The following LRRC32 variants were observed in gnomAD, a reference collection of about 807,000 sequenced individuals.
LRRC32 encodes transforming growth factor beta activator LRRC32.
A neutral mutation model predicts 15.0 loss-of-function variants in LRRC32; 5 were observed. That is an observed-to-expected ratio of 0.33 (90% confidence interval 0.17 to 0.70). LRRC32 has a LOEUF of 0.70. Among genes scored for constraint, LRRC32 ranks in the 30% least tolerant of loss-of-function variants. The probability of loss-of-function intolerance (pLI) is 0.66; values close to 1 mark genes in which losing one functional copy is unlikely to be tolerated. For synonymous variants in LRRC32, 391 were observed against 403.9 expected (o/e 0.97, Z 0.38); for missense variants, 803 against 854.2 (o/e 0.94, Z 0.75).
At position 76,660,027 on chromosome 11, in the gene LRRC32, G is replaced by A. The variant is rs144837505; in HGVS notation, c.1566C>T (p.Ala522=). The stretch of plus-strand genomic sequence containing the variant: ...CGGGAAGGTGGCTCAGGCGGTTCTC[G>A]GCAAGATTGAGCCGCTTGAGGCAGA... ...CFICLKRLNL[A]ENRLSHLPAW... is the part of the protein sequence containing the mutation. Residue 522 remains alanine, a synonymous_variant, in exon 3 of 3, where the codon GCC becomes GCT. Coordinates refer to ENST00000260061, the MANE Select transcript of LRRC32 (RefSeq NM_001128922.2). The A allele has an allele frequency of 5.5e-5, 89 of 1,614,144 alleles. No homozygotes were observed. In the East Asian group the frequency reaches 1.2e-3, roughly 21 times the overall value.
Position 76,660,310 on chromosome 11 carries a change from G to C in LRRC32, c.1283C>G (p.Pro428Arg). 6.3e-7 allele frequency: 1 copy of C among 1,598,168 alleles called. No homozygotes were observed. The highest frequency in any genetic ancestry group is 8.5e-7 in the Non-Finnish European group (1 of 1,173,124). Residue 428 changes from proline to arginine, a missense_variant, in exon 3 of 3, where the codon CCA becomes CGA. Coordinates refer to ENST00000260061, the MANE Select transcript of LRRC32 (RefSeq NM_001128922.2). ...QGNRVSPCGG[P>R]DEPGPSGCVA... ...ACAGCCGGAGGGGCCAGGCTCATCT[G>C]GCCCCCCACAGGGGCTGACTCGGTT...
rs759411418 is a variant in LRRC32 at position 76,661,181 on chromosome 11, T to C, written c.412A>G (p.Ser138Gly). 2 of 1,613,872 alleles carry C rather than the reference T, an allele frequency of 1.2e-6. No individual in the cohort carries two copies. The highest frequency in any genetic ancestry group is 1.7e-6 in the Non-Finnish European group (2 of 1,179,934). ...SLDLSGNSLY[S>G]GLLERLLGEA... Reference sequence around the variant, plus strand: ...CCCAGCAGCCGCTCCAGCAGGCCGCTGTACAGGCTGTTCCCAGACAGGTCC... The same window carrying C: ...CCCAGCAGCCGCTCCAGCAGGCCGCCGTACAGGCTGTTCCCAGACAGGTCC... The change falls in exon 3 of 3, where the codon AGC (serine) becomes GGC (glycine). Residue 138 changes from serine (S) to glycine (G), a missense_variant. Physicochemically the swap from Ser to Gly is moderately conservative, Grantham distance 56. Coordinates refer to ENST00000260061, the MANE Select transcript of LRRC32 (RefSeq NM_001128922.2).
rs1162518373 is a variant in LRRC32, at chr11:76,657,750, TC to T, written c.*1853del. ...ACCAGGACTGGGTCTGCCTGGGTGC[TC>T]CACACACCACCAGGGCCTAGCCCTG... On this transcript the variant is annotated 3_prime_UTR_variant, in exon 3 of 3. Transcript: ENST00000260061. 1 of 152,460 alleles carries T rather than the reference TC, an allele frequency of 6.6e-6. No homozygotes were observed. The highest frequency in any genetic ancestry group is 1.5e-5 in the Non-Finnish European group (1 of 68,088). The allele number at this position is 152,460 out of a possible 1,614,324, so 9.4% of individuals were successfully genotyped here. A position where few individuals can be genotyped will look rare whatever the true frequency, so the allele number is the denominator to read the frequency against.
rs749681420 is a variant in LRRC32 at position 76,661,158 on chromosome 11, C to T, written c.435G>A (p.Leu145=). The stretch of plus-strand genomic sequence containing the variant: ...GGGTATGCAGGCTGGGTGCCTCCCC[C>T]AGCAGCCGCTCCAGCAGGCCGCTGT... The part of the protein sequence containing the change: ...SLYSGLLERL[L]GEAPSLHTLS... The change falls in exon 3 of 3, where the codon CTG becomes CTA. Residue 145 remains leucine (L), a synonymous_variant. Transcript: ENST00000260061. 36 of 1,613,646 alleles carry T rather than the reference C, an allele frequency of 2.2e-5. No individual in the cohort carries two copies. Among genetic ancestry groups the T allele is most frequent in the Non-Finnish European group, 2.8e-5 (33 of 1,179,882 alleles).
At position 76,660,521 on chromosome 11, in the gene LRRC32, G is replaced by A. The variant is rs150096749; in HGVS notation, c.1072C>T (p.Arg358Cys). Residue 358 changes from arginine (R) to cysteine (C), a missense_variant, in exon 3 of 3, where the codon CGC becomes TGC. Arg to Cys is a radical substitution (Grantham distance 180, BLOSUM62 -3). Transcript: ENST00000260061. ...RNCLRTFEAR[R>C]LGSLPCLMLL... ...ATCAGGCAGGGCAGGGAGCCTAAGCGCCGGGCCTCAAAGGTCCGCAAGCAG... is the reference window on the plus strand; with the variant it reads ...ATCAGGCAGGGCAGGGAGCCTAAGCACCGGGCCTCAAAGGTCCGCAAGCAG... 1,279 of 1,614,132 alleles carry A rather than the reference G, an allele frequency of 7.9e-4. 1 individual carries two copies. Among genetic ancestry groups the A allele is most frequent in the Non-Finnish European group, 1.0e-3 (1,177 of 1,180,006 alleles).
rs1406184843 is a variant in LRRC32 at position 76,659,146 on chromosome 11, C to T, written c.*458G>A. ...CACAGCCGGGGCAGGACTCACCGCA[C>T]CAAACCAGCGGGGCCTGCCGAGCTC... On this transcript the variant is annotated 3_prime_UTR_variant, in exon 3 of 3. Transcript: ENST00000260061. 5.9e-6 allele frequency: 1 copy of T among 170,632 alleles called. No individual in the cohort carries two copies. Among genetic ancestry groups the T allele is most frequent in the Non-Finnish European group, 1.3e-5 (1 of 78,780 alleles). 10.6% of individuals were successfully genotyped at this position (170,632 alleles called of 1,614,324 possible).
In LRRC32 at chr11:76,661,048, C is replaced by T. The variant is rs764198542; in HGVS notation, c.545G>A (p.Ser182Asn). 3 of 1,614,248 alleles carry T rather than the reference C, an allele frequency of 1.9e-6. No homozygotes were observed. The East Asian group carries it at 6.7e-5, about 36-fold the overall frequency. The change falls in exon 3 of 3, where the codon AGC becomes AAC. Residue 182 changes from serine (S) to asparagine (N), a missense_variant. Transcript: ENST00000260061. The stretch of plus-strand genomic sequence containing the variant: ...ATCCTCGATGTCCATCAGCACGTTG[C>T]TATGCAGGTCAAGCTGCTCCAGCGC... ...MPALEQLDLH[S>N]NVLMDIEDGA...
In LRRC32 at chr11:76,661,269, C is replaced by A. The variant is rs1211861015; in HGVS notation, c.324G>T (p.Arg108=). The A allele has an allele frequency of 6.2e-7, 1 of 1,613,972 alleles. No individual in the cohort carries two copies. Among genetic ancestry groups the A allele is most frequent in the Admixed American group, 1.7e-5 (1 of 60,010 alleles). ...CACTCAGCGCAGTGGCCATCGCCAG[C>A]CGGTTGTGAGCCAGGCTGAGGTGCT... is the stretch of plus-strand genomic sequence containing the variant. ...HLEHLSLAHN[R]LAMATALSAG... Residue 108 remains arginine (R), a synonymous_variant, in exon 3 of 3, where the codon CGG becomes CGT. Transcript: ENST00000260061.
chr11:76,663,507 C>A (rs1952573416), intron 2 of LRRC32: 1 of 152,368 alleles, frequency 6.6e-6, no homozygotes, highest in African/African-American at 2.4e-5. Context: ...GAGACCTGCC[C>A]AGCCTCAGGC....
At chr11:76,669,814 C>G (rs534663850) in intron 1 of LRRC32, 75 of 152,460 alleles carry the variant, frequency 4.9e-4, no homozygotes, top group Admixed American at 1.2e-3. Flanking sequence ...TCCAGTTCAT[C>G]TGTCTCCAAA....
chr11:76,661,874 C>T (rs796477687), intron 2 of LRRC32, among the ~76,000 whole-genome samples: 5 of 152,196 alleles, frequency 3.3e-5, no homozygotes, highest in South Asian at 4.1e-4. Flanking sequence ...AGAGTGACCC[C>T]AAGCCAGTGA....
intron 1 of LRRC32, among the ~76,000 whole-genome samples, chr11:76,666,747 C>A (rs1952632895): frequency 6.6e-6 from 1 of 152,246 alleles, no homozygotes; most frequent in African/African-American, 2.4e-5. Flanking sequence ...TCACTCACTC[C>A]CTCACTAAGG....
chr11:76,660,751 G>A lies in LRRC32; in HGVS notation c.842C>T (p.Thr281Ile). Reference protein sequence around the residue: ...NLSNNLIRLPTGPPQDSKGIH... With the variant: ...NLSNNLIRLPIGPPQDSKGIH... ...GCCCTTGCTGTCCTGGGGTGGCCCT[G>A]TGGGGAGCCGGATGAGGTTGTTGGA... The change falls in exon 3 of 3, where the codon ACA becomes ATA. Residue 281 changes from threonine to isoleucine, a missense_variant. Thr to Ile is a moderately conservative substitution (Grantham distance 89). Coordinates refer to ENST00000260061, the MANE Select transcript of LRRC32 (RefSeq NM_001128922.2). The A allele has an allele frequency of 6.2e-7, 1 of 1,614,168 alleles. No individual in the cohort carries two copies. The highest frequency in any genetic ancestry group is 8.5e-7 in the Non-Finnish European group (1 of 1,180,030).
rs1037474929 is a variant in LRRC32 at position 76,659,471 on chromosome 11, G to C, written c.*133C>G. On this transcript the variant is annotated 3_prime_UTR_variant, in exon 3 of 3. Coordinates refer to ENST00000260061, the MANE Select transcript of LRRC32 (RefSeq NM_001128922.2). ...TCACCCACTGATGCAGCAGGCGGCA[G>C]AGAAAGGTGTCCTGGGCTGTAATTT... is the stretch of plus-strand genomic sequence containing the variant. The C allele has an allele frequency of 5.1e-6, 5 of 984,648 alleles. No homozygotes were observed. In the African/African-American group the frequency reaches 8.2e-5, roughly 16 times the overall value. The allele number at this position is 984,648 out of a possible 1,614,324, so 61.0% of individuals were successfully genotyped here.
rs766532420 is a variant in LRRC32, at chr11:76,661,179, G to T, written c.414C>A (p.Ser138Arg). The change falls in exon 3 of 3, where the codon AGC (serine) becomes AGA (arginine). Residue 138 changes from serine (S) to arginine (R), a missense_variant. Ser to Arg is a moderately radical substitution (Grantham distance 110). Transcript: ENST00000260061. ...SLDLSGNSLY[S>R]GLLERLLGEA... ...CCCCCAGCAGCCGCTCCAGCAGGCCGCTGTACAGGCTGTTCCCAGACAGGT... is the reference window on the plus strand; with the variant it reads ...CCCCCAGCAGCCGCTCCAGCAGGCCTCTGTACAGGCTGTTCCCAGACAGGT... 12 of 1,613,640 alleles carry T rather than the reference G, an allele frequency of 7.4e-6. No homozygotes were observed. Among genetic ancestry groups the T allele is most frequent in the South Asian group, 2.2e-5 (2 of 91,084 alleles).
At chr11:76,668,901 G>A (rs1442186186) in intron 1 of LRRC32, among the ~76,000 whole-genome samples, 7 of 152,202 alleles carry the variant, frequency 4.6e-5, no homozygotes, top group East Asian at 3.8e-4. Context: ...GGCATCTGAC[G>A]GGAAGGGCCC....
At chr11:76,669,427 G>A (rs1001566204) in intron 1 of LRRC32, among the ~76,000 whole-genome samples, 7 of 151,400 alleles carry the variant, frequency 4.6e-5, no homozygotes, top group African/African-American at 9.8e-5. Context: ...GCAGGGGTAC[G>A]GGGGGCAATG....
chr11:76,658,293 T>C lies in LRRC32; in HGVS notation c.*1311A>G, dbSNP rs1952447703. 6.6e-6 allele frequency: 1 copy of C among 152,258 alleles called. No individual in the cohort carries two copies. The highest frequency in any genetic ancestry group is 2.4e-5 in the African/African-American group (1 of 41,400). The allele number at this position is 152,258 out of a possible 1,614,324, so 9.4% of individuals were successfully genotyped here. Reference sequence around the variant, plus strand: ...GATTCCATAGTCTCAAACTCCAGGCTCTGCTCAATAGAGGAAAAGGGAATG... The same window carrying C: ...GATTCCATAGTCTCAAACTCCAGGCCCTGCTCAATAGAGGAAAAGGGAATG... On this transcript the variant is annotated 3_prime_UTR_variant, in exon 3 of 3. Coordinates refer to ENST00000260061, the MANE Select transcript of LRRC32 (RefSeq NM_001128922.2).
At chr11:76,665,769 T>C in intron 2 of LRRC32, 102 bp downstream of exon 2, 2 of 1,552,300 alleles carry the variant, frequency 1.3e-6, no homozygotes, top group Non-Finnish European at 1.8e-6. Context: ...CCCTTTCCTC[T>C]CCTGACTCTT....
Sources: allele counts gnomAD v4.1 joint callset (sites outside exome capture counted in the v4.1 genomes callset), GRCh38; gene constraint gnomAD v4.1.1; transcripts MANE v1.5; gene names NCBI Gene and HGNC (gene_info 2026-07-23, HGNC 2026-07-21).